Variants in PPWD1 observed in about 807,000 individuals in gnomAD.
The protein encoded by PPWD1 is peptidylprolyl isomerase domain and WD repeat-containing protein 1.
Under a neutral mutation model 68.8 loss-of-function variants are expected in PPWD1, and 43 were observed. The ratio of observed to expected loss-of-function variants is 0.62; its 90% CI spans 0.49 to 0.81. The LOEUF is 0.81. Ranked by LOEUF, PPWD1 falls within the 30% of genes least tolerant of loss-of-function variation. The pLI is 0.00. For missense variants in PPWD1, 672 were observed against 804.8 expected (o/e 0.83, Z 2.00); for synonymous variants, 232 against 258.7 (o/e 0.90, Z 0.99).
intron 9 of PPWD1, among the ~76,000 whole-genome samples, chr5:65,585,299 C>T (rs1753788165): frequency 6.6e-6 from 1 of 152,104 alleles, no homozygotes; most frequent in African/African-American, 2.4e-5. Context: ...TGATTAGAAA[C>T]ACTGAAGCAA....
chr5:65,582,489 T>C (rs1431267638), intron 7 of PPWD1: 1 of 152,234 alleles, frequency 6.6e-6, no homozygotes, highest in Admixed American at 6.5e-5. Flanking sequence ...ACTGTTAATA[T>C]GTATATAGTA....
chr5:65,576,256 G>A (rs1753274475), intron 5 of PPWD1: 4 of 899,090 alleles, frequency 4.4e-6, no homozygotes, highest in Non-Finnish European at 5.3e-6. Context: ...TCATTGGAAA[G>A]TGCTACTCTG....
intron 4 of PPWD1, 105 bp from the exon 5 acceptor site, chr5:65,571,734 A>C: frequency 6.7e-7 from 1 of 1,482,064 alleles, no homozygotes; most frequent in Non-Finnish European, 8.9e-7. Context: ...GGAATCCAAA[A>C]CTGTCTAAAT....
chr5:65,584,138 A>G (rs1449949170), intron 8 of PPWD1, among the ~76,000 whole-genome samples: 6 of 152,184 alleles, frequency 3.9e-5, no homozygotes, highest in Non-Finnish European at 7.3e-5. Context: ...TTATTTATTA[A>G]CATTTTGAAT....
intron 5 of PPWD1, among the ~76,000 whole-genome samples, chr5:65,575,370 C>CT (rs1753234023): frequency 6.6e-6 from 1 of 152,188 alleles, no homozygotes; most frequent in Admixed American, 6.5e-5. Flanking sequence ...GTCTCCCTGT[C>CT]TTTGAGACTA....
In PPWD1 at chr5:65,565,476, C is replaced by T. The variant is rs190647924; in HGVS notation, c.196+1970C>T. 1.4e-4 allele frequency among the ~76,000 whole-genome samples: 21 copies of T among 152,182 alleles called. No individual in the cohort carries two copies. The East Asian group carries it at 4.1e-3, about 29-fold the overall frequency. ...GATATAAATTAGTAGGTGTGAAAAT[C>T]TTTCCTCTTAATCAGTTATTTATTG... On this transcript the variant is annotated intron_variant, in intron 1 of 10. Transcript: ENST00000261308.
At position 65,583,030 on chromosome 5, in the gene PPWD1, T is replaced by C; in HGVS notation, c.1351-8T>C. On this transcript the variant is annotated splice_region_variant and splice_polypyrimidine_tract_variant and intron_variant, in intron 7 of 10. Transcript: ENST00000261308. ...TTCGTTGACTCACTTTTTACTTTCC[T>C]CCTTGAGTTTACCAAACGAGAACCA... The C allele has an allele frequency of 6.4e-7, 1 of 1,552,196 alleles. No individual in the cohort carries two copies. The highest frequency in any genetic ancestry group is 8.7e-7 in the Non-Finnish European group (1 of 1,148,908).
At chr5:65,564,681 C>A (rs887863840) in intron 1 of PPWD1, among the ~76,000 whole-genome samples, 2 of 152,164 alleles carry the variant, frequency 1.3e-5, no homozygotes, top group Non-Finnish European at 2.9e-5. Context: ...ATGATGTGAT[C>A]TCTCCTTACC....
At chr5:65,584,495 T>C (rs1432076675) in intron 8 of PPWD1, among the ~76,000 whole-genome samples, 1 of 152,170 alleles carries the variant, frequency 6.6e-6, no homozygotes, top group Non-Finnish European at 1.5e-5. Context: ...TGTAAGAAAA[T>C]GACCTTTCCC....
intron 8 of PPWD1, chr5:65,583,431 G>A (rs765839187): frequency 9.8e-5 from 38 of 388,432 alleles, no homozygotes; most frequent in Admixed American, 4.3e-4. Context: ...GGTTCATTAC[G>A]AGGACAAAAT....
intron 5 of PPWD1, 70 bp from the exon 6 acceptor site, chr5:65,576,809 G>A: frequency 6.6e-7 from 1 of 1,520,992 alleles, no homozygotes; most frequent in Non-Finnish European, 8.9e-7. Context: ...TGCATATATA[G>A]ATAGATGGGT....
intron 1 of PPWD1, among the ~76,000 whole-genome samples, chr5:65,566,092 G>T (rs261249): frequency 0.62 from 93,759 of 151,434 alleles, 29,250 homozygotes; most frequent in South Asian, 0.65. Flanking sequence ...AGAACGTATT[G>T]TGTTCTTAGT....
intron 5 of PPWD1, among the ~76,000 whole-genome samples, chr5:65,574,033 A>C (rs1753160155): frequency 6.6e-6 from 1 of 152,200 alleles, no homozygotes. Context: ...AGCAAAGTTT[A>C]TTGTATGACA....
chr5:65,569,748 C>T lies in PPWD1; in HGVS notation c.400+16C>T. On this transcript the variant is annotated intron_variant, in intron 3 of 10. Coordinates refer to ENST00000261308, the MANE Select transcript of PPWD1 (RefSeq NM_015342.4). Reference sequence around the variant, plus strand: ...AGTCACCTGGGTAAGAATTGCACCTCATTTTCTTGTAGCTCTTTCCTAAAC... The same window carrying T: ...AGTCACCTGGGTAAGAATTGCACCTTATTTTCTTGTAGCTCTTTCCTAAAC... 6.9e-6 allele frequency: 11 copies of T among 1,600,906 alleles called. No individual in the cohort carries two copies. Among genetic ancestry groups the T allele is most frequent in the African/African-American group, 1.3e-5 (1 of 74,496 alleles).
In PPWD1 at chr5:65,567,815, T is replaced by G. The variant is rs765706081; in HGVS notation, c.299+200T>G. On this transcript the variant is annotated intron_variant, in intron 2 of 10. Coordinates refer to ENST00000261308, the MANE Select transcript of PPWD1 (RefSeq NM_015342.4). ...CTAAGATAGAACCCCTGAGTTTATA[T>G]GTATGTCTTTGGAGATAAATGCCAA... is the stretch of plus-strand genomic sequence containing the variant. 540 of 996,546 alleles carry G rather than the reference T, an allele frequency of 5.4e-4. 3 individuals are homozygous for G. The Middle Eastern group carries it at 7.2e-3, about 13-fold the overall frequency. The allele number at this position is 996,546 out of a possible 1,614,324, so 61.7% of individuals were successfully genotyped here. A position where few individuals can be genotyped will look rare whatever the true frequency, so the allele number is the denominator to read the frequency against.
chr5:65,583,807 C>T (rs1753704336), intron 8 of PPWD1, among the ~76,000 whole-genome samples: 1 of 152,050 alleles, frequency 6.6e-6, no homozygotes, highest in Non-Finnish European at 1.5e-5. Context: ...TTTTTATTAG[C>T]TGGGCATGGT....
rs147425015 is a variant in PPWD1, at chr5:65,579,575, A to G, written c.1312A>G (p.Ile438Val). Residue 438 changes from isoleucine (I) to valine (V), a missense_variant, in exon 7 of 11, where the codon ATA (isoleucine) becomes GTA (valine). Ile to Val is a conservative substitution (Grantham distance 29). Around this residue, in one of 2 missense-constraint regions of PPWD1, gnomAD observed 484 missense variants for 646.2 expected, o/e 0.75. Coordinates refer to ENST00000261308, the MANE Select transcript of PPWD1 (RefSeq NM_015342.4). ...TCAGAATATTCAAGCTGACCCAACA[A>G]TAGTCTGTACATCATTCAAAAAGAA... ...VLQNIQADPT[I>V]VCTSFKKNRF... is the part of the protein sequence containing the mutation. The G allele has an allele frequency of 3.6e-4, 584 of 1,604,054 alleles. No homozygotes were observed. Among genetic ancestry groups the G allele is most frequent in the Admixed American group, 7.3e-4 (42 of 57,860 alleles).
chr5:65,567,181 CTTTTTCTTTCT>C (rs1216947729), intron 1 of PPWD1, among the ~76,000 whole-genome samples: 2 of 151,508 alleles, frequency 1.3e-5, no homozygotes, highest in African/African-American at 4.8e-5. Context: ...ATTTTTTTTC[CTTTTTCTTTCT>C]TTTTTCTTTT....
intron 3 of PPWD1, 53 bp downstream of exon 3, chr5:65,569,785 A>C (rs1412750566): frequency 4.5e-6 from 7 of 1,555,878 alleles, no homozygotes; most frequent in Non-Finnish European, 6.1e-6. Flanking sequence ...ATACTAATTA[A>C]AGTTTAAATT....
Sources: allele counts gnomAD v4.1 joint callset (sites outside exome capture counted in the v4.1 genomes callset), GRCh38; gene constraint gnomAD v4.1.1; regional missense constraint gnomAD v4.1.1; transcripts MANE v1.5; gene names NCBI Gene and HGNC (gene_info 2026-07-23, HGNC 2026-07-21).